The following USP10 variants were observed in gnomAD, a reference collection of about 807,000 sequenced individuals.
USP10 encodes ubiquitin specific peptidase 10.
USP10 carries 22 observed loss-of-function variants against 84.5 expected under a neutral mutation model. That is an observed-to-expected ratio of 0.26 (90% CI 0.19 to 0.37). The LOEUF is 0.37. USP10 is among the 10% of genes least tolerant of loss of function. The pLI, the probability that USP10 is intolerant of heterozygous loss-of-function variation, is 1.00. For missense variants in USP10, 1,019 were observed against 998.9 expected (o/e 1.02, Z -0.27); for synonymous variants, 454 against 387.6 (o/e 1.17, Z -2.01).
intron 11 of USP10, among the ~76,000 whole-genome samples, chr16:84,770,001 T>C (rs1250489567): frequency 1.3e-5 from 2 of 152,100 alleles, no homozygotes; most frequent in Non-Finnish European, 2.9e-5. Context: ...CCCAGCACTT[T>C]GGGAGGCTGA....
chr16:84,704,378 A>G (rs1264660785), intron 1 of USP10, among the ~76,000 whole-genome samples: 5 of 152,248 alleles, frequency 3.3e-5, no homozygotes, highest in East Asian at 3.8e-4. Flanking sequence ...AAGAATCACC[A>G]TCGCACAAAA....
intron 2 of USP10, among the ~76,000 whole-genome samples, chr16:84,738,156 GCAGTC>G (rs1346344841): frequency 1.3e-5 from 2 of 152,146 alleles, no homozygotes; most frequent in Non-Finnish European, 2.9e-5. Flanking sequence ...CCAGCCTGCT[GCAGTC>G]TCTCGGGTCT....
intron 1 of USP10, among the ~76,000 whole-genome samples, chr16:84,703,956 T>G (rs1683697711): frequency 6.6e-6 from 1 of 152,354 alleles, no homozygotes; most frequent in East Asian, 1.9e-4. Flanking sequence ...AGTGTTCTGT[T>G]ACGTGGAACT....
At chr16:84,771,494 T>C (rs1914445483) in intron 11 of USP10, among the ~76,000 whole-genome samples, 1 of 152,056 alleles carries the variant, frequency 6.6e-6, no homozygotes, top group African/African-American at 2.4e-5. Context: ...AGATCCTGTC[T>C]TAAAAAAACA....
intron 2 of USP10, among the ~76,000 whole-genome samples, chr16:84,735,697 CTG>C (rs1446877342): frequency 1.3e-5 from 2 of 152,112 alleles, no homozygotes; most frequent in African/African-American, 4.8e-5. Context: ...GAAGACGTGA[CTG>C]TGTCTCATGA....
chr16:84,754,802 G>A (rs1459315882), intron 4 of USP10, among the ~76,000 whole-genome samples: 1 of 152,154 alleles, frequency 6.6e-6, no homozygotes, highest in African/African-American at 2.4e-5. Context: ...GAATGGTCAA[G>A]CCTCCAGGCC....
At chr16:84,768,462 TA>T (rs1914094592) in intron 11 of USP10, 104 bp downstream of exon 11, 1 of 1,149,734 alleles carries the variant, frequency 8.7e-7, no homozygotes, top group African/African-American at 1.5e-5. Flanking sequence ...TTATGCCTCT[TA>T]AATCAGTTGC....
chr16:84,757,549 C>T (rs1451637133), intron 4 of USP10, among the ~76,000 whole-genome samples: 1 of 151,908 alleles, frequency 6.6e-6, no homozygotes, highest in Non-Finnish European at 1.5e-5. Flanking sequence ...TGAGCGATGC[C>T]TTAGATGGAT....
chr16:84,719,604 G>C (rs528722765), intron 1 of USP10, among the ~76,000 whole-genome samples: 1 of 152,330 alleles, frequency 6.6e-6, no homozygotes, highest in Admixed American at 6.5e-5. Context: ...TACCACCGCG[G>C]ATTGGTTACC....
At chr16:84,759,222 C>T (rs960219084) in intron 5 of USP10, 141 bp from the exon 6 acceptor site, 1 of 744,132 alleles carries the variant, frequency 1.3e-6, no homozygotes, top group East Asian at 2.7e-5. Context: ...TTGGTTTATT[C>T]CTTTTCGTGG....
intron 4 of USP10, among the ~76,000 whole-genome samples, chr16:84,749,517 A>G (rs1911650774): frequency 6.6e-6 from 1 of 151,904 alleles, no homozygotes; most frequent in African/African-American, 2.4e-5. Context: ...TTGAGGCTCG[A>G]TAACTTGAGC....
intron 3 of USP10, among the ~76,000 whole-genome samples, chr16:84,740,946 C>A (rs542866691): frequency 6.6e-6 from 1 of 152,188 alleles, no homozygotes; most frequent in African/African-American, 2.4e-5. Flanking sequence ...GCTTAAGTAC[C>A]CAGCGTTGGA....
chr16:84,700,724 C>G (rs542301927), intron 1 of USP10, among the ~76,000 whole-genome samples: 40 of 152,290 alleles, frequency 2.6e-4, no homozygotes, highest in African/African-American at 9.4e-4. Flanking sequence ...CTTTCACTTG[C>G]GTTTGAGTGA....
chr16:84,722,421 T>C (rs369862528), intron 1 of USP10, among the ~76,000 whole-genome samples: 55 of 152,368 alleles, frequency 3.6e-4, no homozygotes, highest in African/African-American at 1.3e-3. Flanking sequence ...TAGGTTTTCA[T>C]TTCTTGTGGG....
At chr16:84,767,049 A>G (rs1005947260) in intron 10 of USP10, among the ~76,000 whole-genome samples, 1 of 152,152 alleles carries the variant, frequency 6.6e-6, no homozygotes, top group African/African-American at 2.4e-5. Flanking sequence ...CCACTACTGT[A>G]TCCCTCTCCA....
chr16:84,715,243 T>G (rs940858382), intron 1 of USP10, among the ~76,000 whole-genome samples: 1 of 152,060 alleles, frequency 6.6e-6, no homozygotes, highest in Non-Finnish European at 1.5e-5. Flanking sequence ...TTATAAAATA[T>G]CAATAAGCTG....
intron 10 of USP10, among the ~76,000 whole-genome samples, chr16:84,764,939 A>AAAAAAAAAATAT (rs370383030): frequency 1.1e-3 from 143 of 132,264 alleles, no homozygotes; most frequent in Middle Eastern, 4.4e-3. Flanking sequence ...GAGAAAAAAA[A>AAAAAAAAAATAT]ATATATATAT....
At chr16:84,724,845 T>C (rs550764882) in intron 1 of USP10, among the ~76,000 whole-genome samples, 10 of 152,324 alleles carry the variant, frequency 6.6e-5, no homozygotes, top group African/African-American at 2.4e-4. Flanking sequence ...CACTAGTTGA[T>C]GATAGTGTCA....
chr16:84,771,520 C>T (rs193116957), intron 11 of USP10, among the ~76,000 whole-genome samples: 65 of 152,098 alleles, frequency 4.3e-4, no homozygotes, highest in African/African-American at 1.5e-3. Flanking sequence ...ACAAAAAAAC[C>T]CACCTAATCC....
Sources: gnomAD v4.1 joint callset for allele counts (sites outside exome capture counted in the v4.1 genomes callset) on GRCh38, gnomAD v4.1.1 for gene constraint, MANE v1.5 for transcripts, NCBI Gene and HGNC (gene_info 2026-07-23, HGNC 2026-07-21) for gene names.